TRPA1: variants seen among roughly 807,000 people sequenced by gnomAD.
The protein encoded by TRPA1 is ankyrin-like with transmembrane domains 1.
Under a neutral mutation model 131.3 loss-of-function variants are expected in TRPA1, and 129 were observed. The ratio of observed to expected loss-of-function variants is 0.98; its 90% CI spans 0.85 to 1.14. TRPA1 has a LOEUF of 1.14. Among genes scored for constraint, TRPA1 ranks in the 50% most tolerant of loss-of-function variants. The pLI is 0.00. For synonymous variants in TRPA1, 441 were observed against 451.7 expected, an observed-to-expected ratio of 0.98 and a Z score of 0.30; for missense variants, 1,304 against 1,354.2, an observed-to-expected ratio of 0.96 and a Z score of 0.58.
intron 18 of TRPA1, among the ~76,000 whole-genome samples, 171 bp from the exon 19 acceptor site, chr8:72,039,198 A>G (rs764169487): frequency 3.3e-5 from 5 of 152,084 alleles, no homozygotes; most frequent in Non-Finnish European, 7.4e-5. Flanking sequence ...CAGAGAAGGA[A>G]CCTCAAGTTC....
At chr8:72,031,256 C>T (rs1009140074) in intron 23 of TRPA1, among the ~76,000 whole-genome samples, 4 of 152,102 alleles carry the variant, frequency 2.6e-5, no homozygotes, top group Non-Finnish European at 5.9e-5. Flanking sequence ...GATGGGTGTT[C>T]TCTCCAATTT....
intron 24 of TRPA1, among the ~76,000 whole-genome samples, chr8:72,026,661 A>C (rs1811621096): frequency 6.6e-6 from 1 of 152,224 alleles, no homozygotes; most frequent in Non-Finnish European, 1.5e-5. Flanking sequence ...GATGAATTTT[A>C]AGTATAATTA....
chr8:72,043,179 A>G (rs932501536), intron 17 of TRPA1, among the ~76,000 whole-genome samples: 1 of 151,824 alleles, frequency 6.6e-6, no homozygotes, highest in African/African-American at 2.4e-5. Flanking sequence ...GCAGGCCTCC[A>G]TTTCCTCAAT....
At chr8:72,059,143 T>C (rs1268232458) in intron 8 of TRPA1, among the ~76,000 whole-genome samples, 2 of 152,196 alleles carry the variant, frequency 1.3e-5, no homozygotes, top group Non-Finnish European at 2.9e-5. Context: ...GCCAACTTCC[T>C]GCACTAAAAA....
In TRPA1 at chr8:72,075,556, G is replaced by A; in HGVS notation, c.-147C>T. 1.4e-5 allele frequency: 10 copies of A among 697,472 alleles called. No individual in the cohort carries two copies. The highest frequency in any genetic ancestry group is 2.5e-5 in the Non-Finnish European group (10 of 394,956). The allele number at this position is 697,472 out of a possible 1,614,324, so 43.2% of individuals were successfully genotyped here. A position where few individuals can be genotyped will look rare whatever the true frequency, so the allele number is the denominator to read the frequency against. ...GCAGCTCACAGGCAGCGAAAAAGTCGCTCTGCGGAAGCCCTGGAGAACTTC... is the reference window on the plus strand; with the variant it reads ...GCAGCTCACAGGCAGCGAAAAAGTCACTCTGCGGAAGCCCTGGAGAACTTC... On this transcript the variant is annotated 5_prime_UTR_variant, in exon 1 of 27. Coordinates refer to ENST00000262209, the MANE Select transcript of TRPA1 (RefSeq NM_007332.3).
chr8:72,062,856 A>T lies in TRPA1; in HGVS notation c.750T>A (p.Gly250=), dbSNP rs1310691652. 1.2e-6 allele frequency: 2 copies of T among 1,614,064 alleles called. No homozygotes were observed. Among genetic ancestry groups the T allele is most frequent in the South Asian group, 2.2e-5 (2 of 91,080 alleles). The change falls in exon 6 of 27, where the codon GGT becomes GGA. Residue 250 remains glycine, a synonymous_variant. Transcript: ENST00000262209. The stretch of plus-strand genomic sequence containing the variant: ...GGCACATTTTGATCATTTCCAAGTC[A>T]CCATTTTGCACAGCCAGGTGGAGAG... ...ATPLHLAVQN[G]DLEMIKMCLD... is the part of the protein sequence containing the mutation.
the TRPA1 span, among the ~76,000 whole-genome samples, chr8:72,089,873 C>T: frequency 6.6e-6 from 1 of 152,044 alleles, no homozygotes; most frequent in South Asian, 2.1e-4. Context: ...GAAACCTGTA[C>T]TCATCTTGTG....
At chr8:72,037,804 C>A (rs1480603970) in intron 20 of TRPA1, among the ~76,000 whole-genome samples, 179 bp downstream of exon 20, 8 of 151,990 alleles carry the variant, frequency 5.3e-5, no homozygotes, top group African/African-American at 1.9e-4. Flanking sequence ...AGGGACCTTA[C>A]CTAAAATCAT....
intron 17 of TRPA1, chr8:72,041,065 G>GCCATATTTA (rs1469787352): frequency 6.6e-6 from 1 of 151,966 alleles, no homozygotes; most frequent in Non-Finnish European, 1.5e-5. Flanking sequence ...AAAAGAAACA[G>GCCATATTTA]CCATATTTAC....
chr8:72,083,971 G>C, the TRPA1 span, among the ~76,000 whole-genome samples: 1 of 152,010 alleles, frequency 6.6e-6, no homozygotes, highest in South Asian at 2.1e-4. Context: ...TGAGTCGAAA[G>C]CTGGGTACTA....
chr8:72,071,907 G>A (rs1422795870), intron 1 of TRPA1, 40 bp from the exon 2 acceptor site: 3 of 1,586,856 alleles, frequency 1.9e-6, no homozygotes, highest in Non-Finnish European at 2.6e-6. Flanking sequence ...ACAAGCATAT[G>A]CAAAACTTAT....
In TRPA1 at chr8:72,039,712, C is replaced by G. The variant is rs1259361308; in HGVS notation, c.2132+15G>C. ...TAGACACAGCATTAAACAAGAAATA[C>G]TACTCAATACCCACCATTTCATGAG... On this transcript the variant is annotated intron_variant, in intron 18 of 26. Transcript: ENST00000262209. 1 of 1,528,858 alleles carries G rather than the reference C, an allele frequency of 6.5e-7. No homozygotes were observed. Among genetic ancestry groups the G allele is most frequent in the Non-Finnish European group, 9.1e-7 (1 of 1,103,110 alleles). The allele number at this position is 1,528,858 out of a possible 1,614,324, so 94.7% of individuals were successfully genotyped here. A position where few individuals can be genotyped will look rare whatever the true frequency, so the allele number is the denominator to read the frequency against.
chr8:72,062,962 A>T lies in TRPA1; in HGVS notation c.662-18T>A. 6.2e-7 allele frequency: 1 copy of T among 1,608,618 alleles called. No individual in the cohort carries two copies. The highest frequency in any genetic ancestry group is 1.7e-4 in the Middle Eastern group (1 of 6,058). Reference sequence around the variant, plus strand: ...CTCTTCACCTTGAGAAGAAAATAACATTCAACATAACAAATATATAAAATA... The same window carrying T: ...CTCTTCACCTTGAGAAGAAAATAACTTTCAACATAACAAATATATAAAATA... On this transcript the variant is annotated intron_variant, in intron 5 of 26. Coordinates refer to ENST00000262209, the MANE Select transcript of TRPA1 (RefSeq NM_007332.3).
Position 72,059,447 on chromosome 8 carries a change from A to G in TRPA1, c.945-9T>C. The G allele has an allele frequency of 6.5e-7, 1 of 1,549,658 alleles. No homozygotes were observed. Among genetic ancestry groups the G allele is most frequent in the Non-Finnish European group, 8.9e-7 (1 of 1,129,038 alleles). On this transcript the variant is annotated splice_polypyrimidine_tract_variant and intron_variant, in intron 7 of 26. Coordinates refer to ENST00000262209, the MANE Select transcript of TRPA1 (RefSeq NM_007332.3). ...GATCAAACAATGAAGCTCTGAAAAAACAGAATTATAAACATTATAATTAAA... is the reference window on the plus strand; with the variant it reads ...GATCAAACAATGAAGCTCTGAAAAAGCAGAATTATAAACATTATAATTAAA...
chr8:72,041,381 A>C (rs1812246109), intron 17 of TRPA1: 1 of 152,022 alleles, frequency 6.6e-6, no homozygotes, highest in Admixed American at 6.6e-5. Context: ...CATACACAGA[A>C]CAGTTCACCC....
At chr8:72,051,675 G>A (rs1812070928) in intron 14 of TRPA1, among the ~76,000 whole-genome samples, 1 of 152,160 alleles carries the variant, frequency 6.6e-6, no homozygotes, top group East Asian at 1.9e-4. Flanking sequence ...TGTTCGCTCT[G>A]TGTCCACTAC....
At chr8:72,029,508 G>A (rs1360406272) in intron 24 of TRPA1, among the ~76,000 whole-genome samples, 1 of 152,190 alleles carries the variant, frequency 6.6e-6, no homozygotes, top group Non-Finnish European at 1.5e-5. Flanking sequence ...AAAAAAGGAA[G>A]TAACGATAAT....
In TRPA1 at chr8:72,069,200, T is replaced by C. The variant is rs753974034; in HGVS notation, c.269-2A>G. On this transcript the variant is annotated splice_acceptor_variant, in intron 2 of 26. Transcript: ENST00000262209. LOFTEE classifies it high-confidence loss of function. ...CATAATCATCCATTTCATGCAGCAC[T>C]AGAAAAAGAAACCAGAATATGGATT... is the stretch of plus-strand genomic sequence containing the variant. 1.2e-6 allele frequency: 2 copies of C among 1,614,166 alleles called. No homozygotes were observed. Among genetic ancestry groups the C allele is most frequent in the Non-Finnish European group, 1.7e-6 (2 of 1,180,008 alleles).
At chr8:72,056,243 TA>T in intron 10 of TRPA1, 1 of 255,890 alleles carries the variant, frequency 3.9e-6, no homozygotes, top group South Asian at 5.4e-5. Flanking sequence ...TTCTGTTAGG[TA>T]AAATGGATGG....
Sources: gnomAD v4.1 joint callset for allele counts (sites outside exome capture counted in the v4.1 genomes callset) on GRCh38, gnomAD v4.1.1 for gene constraint, MANE v1.5 for transcripts, NCBI Gene and HGNC (gene_info 2026-07-23, HGNC 2026-07-21) for gene names.